Variants in CCDC6 observed in about 807,000 individuals in gnomAD.
The protein encoded by CCDC6 is coiled-coil domain containing 6.
Under a neutral mutation model 56.6 loss-of-function variants are expected in CCDC6, and 20 were observed. The ratio of observed to expected loss-of-function variants is 0.35; its 90% CI spans 0.25 to 0.51. The LOEUF (loss-of-function observed/expected upper bound fraction) is 0.51. Among genes scored for constraint, CCDC6 ranks in the 20% least tolerant of loss-of-function variants. The pLI is 0.95. For missense variants in CCDC6, 367 were observed against 601.1 expected (o/e 0.61, Z 4.07); for synonymous variants, 241 against 234.4 (o/e 1.03, Z -0.26).
At chr10:59,883,578 AACTT>A (rs1221979767) in intron 1 of CCDC6, among the ~76,000 whole-genome samples, 5 of 152,250 alleles carry the variant, frequency 3.3e-5, no homozygotes, top group African/African-American at 9.6e-5. Context: ...GACAGGGAAA[AACTT>A]AATGAATCAC....
chr10:59,794,243 G>C (rs1166357204), intron 8 of CCDC6, among the ~76,000 whole-genome samples: 1 of 152,176 alleles, frequency 6.6e-6, no homozygotes, highest in Non-Finnish European at 1.5e-5. Context: ...ATTTCACAAA[G>C]GGTAATTTTT....
Position 59,788,938 on chromosome 10 carries a change from C to G in CCDC6, c.*3979G>C, listed in dbSNP as rs1032660710. On this transcript the variant is annotated 3_prime_UTR_variant, in exon 9 of 9. Coordinates refer to ENST00000263102, the MANE Select transcript of CCDC6 (RefSeq NM_005436.5). ...AACTCCAACCTAGTCAAGTTGTAGACAAGCTATCATGAACAACATACAGTG... is the reference window on the plus strand; with the variant it reads ...AACTCCAACCTAGTCAAGTTGTAGAGAAGCTATCATGAACAACATACAGTG... 4.7e-6 allele frequency: 1 copy of G among 213,500 alleles called. No individual in the cohort carries two copies. Among genetic ancestry groups the G allele is most frequent in the Non-Finnish European group, 9.5e-6 (1 of 105,656 alleles). 13.2% of individuals were successfully genotyped at this position (213,500 alleles called of 1,614,324 possible). A position where few individuals can be genotyped will look rare whatever the true frequency, so the allele number is the denominator to read the frequency against.
intron 1 of CCDC6, among the ~76,000 whole-genome samples, chr10:59,853,477 T>C (rs2071055962): frequency 6.6e-6 from 1 of 152,106 alleles, no homozygotes; most frequent in Non-Finnish European, 1.5e-5. Context: ...GAGGTTGCAG[T>C]GAGCCGAGAT....
intron 1 of CCDC6, among the ~76,000 whole-genome samples, chr10:59,892,413 C>G (rs556111281): frequency 2.6e-5 from 4 of 152,306 alleles, no homozygotes; most frequent in Non-Finnish European, 4.4e-5. Context: ...TGGAAACCCA[C>G]TCAGTTCCCA....
At chr10:59,885,198 T>C (rs1461922404) in intron 1 of CCDC6, among the ~76,000 whole-genome samples, 1 of 152,072 alleles carries the variant, frequency 6.6e-6, no homozygotes, top group Non-Finnish European at 1.5e-5. Flanking sequence ...ATACATTTGT[T>C]ATATCTACAA....
chr10:59,899,766 G>C (rs1432298883), intron 1 of CCDC6, among the ~76,000 whole-genome samples: 1 of 151,488 alleles, frequency 6.6e-6, no homozygotes, highest in Non-Finnish European at 1.5e-5. Context: ...GAAACACTTA[G>C]AAAGGAGAAC....
chr10:59,861,715 G>A (rs2071130367), intron 1 of CCDC6, among the ~76,000 whole-genome samples: 1 of 152,162 alleles, frequency 6.6e-6, no homozygotes, highest in South Asian at 2.1e-4. Context: ...AGTAGATTTG[G>A]CATGGCTTAA....
chr10:59,838,037 G>A (rs576110463), intron 2 of CCDC6, among the ~76,000 whole-genome samples: 2 of 152,212 alleles, frequency 1.3e-5, no homozygotes, highest in Admixed American at 6.5e-5. Flanking sequence ...CTCAAGAACC[G>A]ACTTGTCAGC....
rs368309059 is a variant in CCDC6 at position 59,844,426 on chromosome 10, T to TTA, written c.453+8126_453+8127insTA. 3.6e-5 allele frequency among the ~76,000 whole-genome samples: 5 copies of TTA among 139,294 alleles called. No individual in the cohort carries two copies. The East Asian group carries it at 1.0e-3, about 29-fold the overall frequency. 91.4% of individuals were successfully genotyped at this position (139,294 alleles called of 152,430 possible). On this transcript the variant is annotated intron_variant, in intron 2 of 8. Transcript: ENST00000263102. ...AAAAAAATCTGGTTAGGAGGAATAT[T>TTA]AAAAAAAAAAAAAAGCTCCATGGAA...
chr10:59,819,516 C>T (rs2070735256), intron 3 of CCDC6, among the ~76,000 whole-genome samples: 1 of 152,166 alleles, frequency 6.6e-6, no homozygotes. Flanking sequence ...ATCCTATATA[C>T]TTAGAGCCAA....
chr10:59,903,606 T>C (rs1001967770), intron 1 of CCDC6, among the ~76,000 whole-genome samples: 3 of 152,126 alleles, frequency 2.0e-5, no homozygotes, highest in African/African-American at 7.2e-5. Flanking sequence ...GACATGAACG[T>C]TAATATCATA....
Position 59,808,238 on chromosome 10 carries a change from T to TC in CCDC6, c.848-1161dup, listed in dbSNP as rs565595693. Among the ~76,000 whole-genome samples the TC allele has an allele frequency of 3.3e-5, 5 of 152,186 alleles. 1 individual carries two copies. The South Asian group carries it at 1.0e-3, about 32-fold the overall frequency. ...CAGGCTGAGCCACTTAGACTACCTCTCCCAGGAATCTGAAATGGGGAACTG... is the reference window on the plus strand; with the variant it reads ...CAGGCTGAGCCACTTAGACTACCTCTCCCCAGGAATCTGAAATGGGGAACTG... On this transcript the variant is annotated intron_variant, in intron 5 of 8. Coordinates refer to ENST00000263102, the MANE Select transcript of CCDC6 (RefSeq NM_005436.5).
chr10:59,843,741 C>A (rs1380560796), intron 2 of CCDC6, among the ~76,000 whole-genome samples: 1 of 152,144 alleles, frequency 6.6e-6, no homozygotes, highest in Non-Finnish European at 1.5e-5. Flanking sequence ...GGCTAAGCAC[C>A]ATAAGTCTGG....
Position 59,872,785 on chromosome 10 carries a change from GGT to G in CCDC6, c.304-20085_304-20084del, listed in dbSNP as rs200162216. Among the ~76,000 whole-genome samples, 500 of 108,014 alleles carry G rather than the reference GGT, an allele frequency of 4.6e-3. 7 individuals carry two copies. The highest frequency in any genetic ancestry group is 0.043 in the East Asian group (108 of 2,538). The allele number at this position is 108,014 out of a possible 152,430, so 70.9% of individuals were successfully genotyped here. A position where few individuals can be genotyped will look rare whatever the true frequency, so the allele number is the denominator to read the frequency against. On this transcript the variant is annotated intron_variant, in intron 1 of 8. Coordinates refer to ENST00000263102, the MANE Select transcript of CCDC6 (RefSeq NM_005436.5). ...AAGAGGATAACTTTCCAGATGGGGG[GGT>G]GGGGGAAGGTAACAACATTAGAAAG...
chr10:59,841,670 T>G (rs1321553868), intron 2 of CCDC6, among the ~76,000 whole-genome samples: 1 of 142,418 alleles, frequency 7.0e-6, no homozygotes, highest in Non-Finnish European at 1.6e-5. Context: ...TTGTTTTTTT[T>G]GTTTGTTTTT....
chr10:59,867,643 TC>T (rs1280769358), intron 1 of CCDC6, among the ~76,000 whole-genome samples: 1 of 152,136 alleles, frequency 6.6e-6, no homozygotes, highest in Admixed American at 6.5e-5. Flanking sequence ...AACCTTGACT[TC>T]CCGGGCTTGA....
At chr10:59,837,387 C>T (rs2070891809) in intron 2 of CCDC6, among the ~76,000 whole-genome samples, 1 of 152,164 alleles carries the variant, frequency 6.6e-6, no homozygotes, top group Non-Finnish European at 1.5e-5. Flanking sequence ...TCAAGTCAGT[C>T]CTTGCCAACC....
intron 1 of CCDC6, among the ~76,000 whole-genome samples, chr10:59,895,232 G>T (rs376448485): frequency 1.4e-4 from 22 of 152,184 alleles, no homozygotes; most frequent in African/African-American, 4.8e-4. Flanking sequence ...AGCTTAAGAG[G>T]TCGAGGCTGC....
intron 1 of CCDC6, among the ~76,000 whole-genome samples, chr10:59,888,471 C>T (rs781743349): frequency 8.6e-5 from 13 of 150,472 alleles, no homozygotes; most frequent in African/African-American, 2.2e-4. Flanking sequence ...CTGGGATGCT[C>T]GGAAGCTGGG....
Sources: gnomAD v4.1 joint callset for allele counts (sites outside exome capture counted in the v4.1 genomes callset) on GRCh38, gnomAD v4.1.1 for gene constraint, MANE v1.5 for transcripts, NCBI Gene and HGNC (gene_info 2026-07-23, HGNC 2026-07-21) for gene names.